Variants in PDE10A observed in about 807,000 individuals in gnomAD.
PDE10A encodes phosphodiesterase 10A.
A neutral mutation model predicts 97.7 loss-of-function variants in PDE10A; 39 were observed. That is an observed-to-expected ratio of 0.40 (90% confidence interval 0.31 to 0.52). The LOEUF is 0.52. Among genes scored for constraint, PDE10A ranks in the 20% least tolerant of loss-of-function variants. The probability of loss-of-function intolerance (pLI) is 0.56; values close to 1 mark genes in which losing one functional copy is unlikely to be tolerated. For synonymous variants in PDE10A, 371 were observed against 376.8 expected, an observed-to-expected ratio of 0.98 and a Z score of 0.18; for missense variants, 731 against 1,047.8, an observed-to-expected ratio of 0.70 and a Z score of 4.17.
chr6:165,378,635 T>G (rs948477962), intron 18 of PDE10A, among the ~76,000 whole-genome samples: 1 of 152,212 alleles, frequency 6.6e-6, no homozygotes, highest in South Asian at 2.1e-4. Context: ...GATATCTAAT[T>G]TATCTAATCC....
intron 18 of PDE10A, among the ~76,000 whole-genome samples, chr6:165,362,051 G>A (rs1036898880): frequency 6.6e-6 from 1 of 152,124 alleles, no homozygotes; most frequent in Non-Finnish European, 1.5e-5. Context: ...ACAGTAGTTA[G>A]AGGAAAATTT....
intron 13 of PDE10A, among the ~76,000 whole-genome samples, chr6:165,401,272 G>A (rs944832730): frequency 5.3e-5 from 8 of 152,100 alleles, no homozygotes; most frequent in East Asian, 1.9e-4. Context: ...AAAAAGTCAC[G>A]TGACAATGAA....
At chr6:165,483,823 C>G (rs577513907) in intron 2 of PDE10A, among the ~76,000 whole-genome samples, 12 of 152,208 alleles carry the variant, frequency 7.9e-5, no homozygotes, top group Admixed American at 2.0e-4. Context: ...GTGTGAATGT[C>G]CAGACATCTG....
intron 1 of PDE10A, among the ~76,000 whole-genome samples, chr6:165,875,965 T>C (rs931401780): frequency 2.6e-5 from 4 of 152,238 alleles, no homozygotes; most frequent in African/African-American, 7.2e-5. Context: ...ATCATAGTTG[T>C]GTAAAGTGGC....
rs1788486996 is a variant in PDE10A at position 165,418,673 on chromosome 6, C to A, written c.1758G>T (p.Lys586Asn). The A allele has an allele frequency of 1.2e-6, 2 of 1,613,622 alleles. No homozygotes were observed. The highest frequency in any genetic ancestry group is 1.7e-6 in the Non-Finnish European group (2 of 1,179,826). The change falls in exon 11 of 22, where the codon AAG becomes AAT. Residue 586 changes from lysine to asparagine, a missense_variant. This residue lies in a region of PDE10A where 108 missense variants were observed against 199.8 expected (regional missense o/e 0.54). Coordinates refer to ENST00000539869, the MANE Select transcript of PDE10A (RefSeq NM_001385079.1). This position sits in a 1 kb window ranked among gnomAD's most constrained non-coding sequence, Gnocchi z 4.8. ...TCTTCTTGAAGACAGGTTTTCCTTC[C>A]TTTTCCTCTCCAATATCAAAAAGGT... ...YSDLFDIGEE[K>N]EGKPVFKKTK...
At chr6:165,701,743 G>A (rs1460763726) in intron 1 of PDE10A, among the ~76,000 whole-genome samples, 1 of 151,924 alleles carries the variant, frequency 6.6e-6, no homozygotes, top group Non-Finnish European at 1.5e-5. Flanking sequence ...ATGTGTGTGT[G>A]CATGTGTGTA....
rs1783408133 is a variant in PDE10A at position 165,361,270 on chromosome 6, A to G, written c.2784-17768T>C. 2.0e-5 allele frequency among the ~76,000 whole-genome samples: 3 copies of G among 152,324 alleles called. No individual in the cohort carries two copies. The South Asian group carries it at 6.2e-4, about 32-fold the overall frequency. On this transcript the variant is annotated intron_variant, in intron 18 of 21. Transcript: ENST00000539869. ...GAATATATATTCTTTTTGAGTACAG[A>G]TGGAACATCCCCCAGGCTAAATCAA... is the stretch of plus-strand genomic sequence containing the variant.
At chr6:165,688,857 T>A (rs1030228378) in intron 1 of PDE10A, among the ~76,000 whole-genome samples, 1 of 152,062 alleles carries the variant, frequency 6.6e-6, no homozygotes, top group Non-Finnish European at 1.5e-5. Context: ...TCTGTGTGAG[T>A]GTGTGAGTGT....
Position 165,802,950 on chromosome 6 carries a change from G to A in PDE10A, c.-615+184579C>T, listed in dbSNP as rs536434054. ...CTTGTACACTTTTTCAGTTGTTTCC[G>A]GTTAGATTTATTTTGGCAAATAAAT... On this transcript the variant is annotated intron_variant, in intron 1 of 19. Coordinates refer to the PDE10A transcript ENST00000366882. 4.6e-5 allele frequency among the ~76,000 whole-genome samples: 7 copies of A among 152,232 alleles called. No individual in the cohort carries two copies. In the South Asian group the frequency reaches 8.3e-4, roughly 18 times the overall value.
intron 1 of PDE10A, among the ~76,000 whole-genome samples, chr6:165,669,121 G>T (rs1790577081): frequency 6.6e-6 from 1 of 152,238 alleles, no homozygotes; most frequent in Admixed American, 6.5e-5. Flanking sequence ...CCAATTGGGA[G>T]ACGTAAGTAG....
At chr6:165,968,520 A>T (rs80017843) in intron 1 of PDE10A, among the ~76,000 whole-genome samples, 3,344 of 152,306 alleles carry the variant, frequency 0.022, 126 homozygotes, top group African/African-American at 0.077. Context: ...CCAAGGAGGA[A>T]CAAAATCAGA....
chr6:165,906,293 G>C, intron 1 of PDE10A, among the ~76,000 whole-genome samples: 1 of 151,438 alleles, frequency 6.6e-6, no homozygotes, highest in Non-Finnish European at 1.5e-5. Context: ...AGCTTTCCCA[G>C]CATAAAACCA....
intron 1 of PDE10A, among the ~76,000 whole-genome samples, chr6:165,904,406 G>A (rs1205688175): frequency 3.9e-5 from 6 of 152,176 alleles, no homozygotes; most frequent in Non-Finnish European, 8.8e-5. Context: ...GAACAATGAA[G>A]AGAGGTCATT....
chr6:165,391,605 C>T (rs941369496), intron 16 of PDE10A, among the ~76,000 whole-genome samples: 1 of 151,964 alleles, frequency 6.6e-6, no homozygotes, highest in African/African-American at 2.4e-5. Context: ...GTGGATCTTT[C>T]GCGGGGAGGT....
At chr6:165,421,063 G>C (rs1159374752) in intron 10 of PDE10A, among the ~76,000 whole-genome samples, 4 of 152,176 alleles carry the variant, frequency 2.6e-5, no homozygotes, top group Non-Finnish European at 5.9e-5. Flanking sequence ...GAACTGTCCA[G>C]TAGCATAAAG....
At chr6:165,514,858 T>C (rs186408956) in intron 2 of PDE10A, among the ~76,000 whole-genome samples, 1 of 152,322 alleles carries the variant, frequency 6.6e-6, no homozygotes, top group East Asian at 1.9e-4. Flanking sequence ...TCTTGGATTG[T>C]GTATTGCCTT....
intron 2 of PDE10A, among the ~76,000 whole-genome samples, chr6:165,498,733 A>G (rs933909617): frequency 7.2e-5 from 11 of 152,154 alleles, no homozygotes; most frequent in African/African-American, 2.4e-4. Context: ...AAATTGTCTC[A>G]TTTTGAAGAA....
chr6:165,397,800 T>A (rs1786297573), intron 13 of PDE10A, among the ~76,000 whole-genome samples: 2 of 152,058 alleles, frequency 1.3e-5, no homozygotes, highest in African/African-American at 4.8e-5. Flanking sequence ...TCCTTCTTGG[T>A]GATCTCAAAG....
intron 1 of PDE10A, among the ~76,000 whole-genome samples, chr6:165,622,533 T>C (rs1252108339): frequency 6.6e-6 from 1 of 152,078 alleles, no homozygotes; most frequent in East Asian, 1.9e-4. Flanking sequence ...TATCTAAACA[T>C]ATCTAAACAT....
Sources: gnomAD v4.1 joint callset for allele counts (sites outside exome capture counted in the v4.1 genomes callset) on GRCh38, gnomAD v4.1.1 for gene constraint, gnomAD v4.1.1 regional missense constraint, Gnocchi (gnomAD v3.1) non-coding constraint, MANE v1.5 for transcripts, NCBI Gene and HGNC (gene_info 2026-07-23, HGNC 2026-07-21) for gene names.